The following CARS1 variants were observed in gnomAD, a reference collection of about 807,000 sequenced individuals.
CARS1 encodes cysteine--tRNA ligase, cytoplasmic.
A neutral mutation model predicts 106.2 loss-of-function variants in CARS1; 48 were observed. The observed-to-expected ratio is 0.45, with a 90% CI of 0.36 to 0.57. CARS1 has a LOEUF of 0.57. Ranked by LOEUF, CARS1 falls within the 20% of genes least tolerant of loss-of-function variation. The pLI is 0.00. For missense variants in CARS1, 968 were observed against 1,057.2 expected (o/e 0.92, Z 1.17); for synonymous variants, 409 against 403.4 (o/e 1.01, Z -0.17).
intron 7 of CARS1, among the ~76,000 whole-genome samples, chr11:3,035,090 G>A (rs1387587969): frequency 3.3e-5 from 5 of 152,114 alleles, no homozygotes; most frequent in African/African-American, 1.2e-4. Flanking sequence ...TGAGGGCAGA[G>A]CTCTCATGAC....
intron 7 of CARS1, among the ~76,000 whole-genome samples, chr11:3,032,263 G>A (rs1396376713): frequency 6.6e-6 from 1 of 152,012 alleles, no homozygotes; most frequent in African/African-American, 2.4e-5. Context: ...AGTAGAGACG[G>A]GGTTTCACCA....
intron 9 of CARS1, 36 bp from the exon 10 acceptor site, chr11:3,026,833 A>G (rs751394631): frequency 1.3e-6 from 2 of 1,593,068 alleles, no homozygotes; most frequent in East Asian, 4.5e-5. Flanking sequence ...GGGTGCATCT[A>G]ACAGACCCGA....
Position 3,057,371 on chromosome 11 carries a change from T to G in CARS1, c.-4A>C. On this transcript the variant is annotated 5_prime_UTR_variant, in exon 1 of 23. Coordinates refer to ENST00000380525, the MANE Select transcript of CARS1 (RefSeq NM_001014437.3). ...GCTGCCCGGAGGAATCTGCCATGGC[T>G]GGGAATCCCGGACCCGCAGCTGCGG... The G allele has an allele frequency of 6.2e-7, 1 of 1,610,372 alleles. No homozygotes were observed. The highest frequency in any genetic ancestry group is 1.1e-5 in the South Asian group (1 of 90,884).
chr11:3,025,211 G>C (rs1851932188), intron 10 of CARS1, among the ~76,000 whole-genome samples: 1 of 152,136 alleles, frequency 6.6e-6, no homozygotes, highest in African/African-American at 2.4e-5. Context: ...TCTTCAGTCT[G>C]TGTTGTCTGG....
At chr11:3,023,669 T>C (rs999458127) in intron 10 of CARS1, among the ~76,000 whole-genome samples, 20 of 149,746 alleles carry the variant, frequency 1.3e-4, no homozygotes, top group East Asian at 5.9e-4. Context: ...TGCTGAATTA[T>C]AGGCATGAGC....
At position 3,043,861 on chromosome 11, in the gene CARS1, C is replaced by G. The variant is rs540360479; in HGVS notation, c.275-1605G>C. On this transcript the variant is annotated intron_variant, in intron 2 of 22. Transcript: ENST00000380525. The surrounding 1 kb of genome is among the most constrained non-coding windows in gnomAD (Gnocchi z 4.0). ...GGCAGGTGGGAGATGGGGCAGGAGA[C>G]GGAGAGAGGGCCAGTGCTCAGCAGG... Among the ~76,000 whole-genome samples the G allele has an allele frequency of 6.6e-5, 10 of 152,010 alleles. No individual in the cohort carries two copies. Among genetic ancestry groups the G allele is most frequent in the African/African-American group, 2.2e-4 (9 of 41,380 alleles).
rs774293731 is a variant in CARS1 at position 3,043,256 on chromosome 11, C to T, written c.275-1000G>A. Among the ~76,000 whole-genome samples the T allele has an allele frequency of 3.3e-5, 5 of 152,094 alleles. No individual in the cohort carries two copies. Among genetic ancestry groups the T allele is most frequent in the Non-Finnish European group, 5.9e-5 (4 of 68,010 alleles). Reference sequence around the variant, plus strand: ...ATCTGAGATCCCTGAAGGGGCAGAGCTCTGTCCCTGGGGCCAGGGGCAGCC... The same window carrying T: ...ATCTGAGATCCCTGAAGGGGCAGAGTTCTGTCCCTGGGGCCAGGGGCAGCC... On this transcript the variant is annotated intron_variant, in intron 2 of 22. Coordinates refer to ENST00000380525, the MANE Select transcript of CARS1 (RefSeq NM_001014437.3). The surrounding 1 kb of genome is among the most constrained non-coding windows in gnomAD (Gnocchi z 4.0).
At position 3,002,563 on chromosome 11, in the gene CARS1, G is replaced by C; in HGVS notation, c.2255C>G (p.Ala752Gly). Residue 752 changes from alanine (A) to glycine (G), a missense_variant, in exon 21 of 23, where the codon GCC (alanine) becomes GGC (glycine). Coordinates refer to ENST00000380525, the MANE Select transcript of CARS1 (RefSeq NM_001014437.3). ...EEKRKKKEEA[A>G]RRKQEQEAAK... ...TACTTCTTGTTCCTGTTTCCTCCGG[G>C]CCGCCTCCTCTTTCTTCTTCCTCTT... 6.2e-7 allele frequency: 1 copy of C among 1,614,078 alleles called. No homozygotes were observed. The highest frequency in any genetic ancestry group is 8.5e-7 in the Non-Finnish European group (1 of 1,179,946).
chr11:3,012,298 T>C, intron 17 of CARS1, 22 bp from the exon 18 acceptor site: 2 of 1,606,376 alleles, frequency 1.2e-6, no homozygotes, highest in Non-Finnish European at 1.7e-6. Context: ...ACAGTTTTGG[T>C]TCACTGAGAG....
intron 16 of CARS1, among the ~76,000 whole-genome samples, chr11:3,016,805 G>T (rs1199743018): frequency 2.0e-5 from 3 of 152,094 alleles, no homozygotes; most frequent in African/African-American, 4.8e-5. Flanking sequence ...ATAGACCCGG[G>T]ATCTCACTAT....
In CARS1 at chr11:3,052,790, A is replaced by C. The variant is rs1306849444; in HGVS notation, c.25+4553T>G. Among the ~76,000 whole-genome samples the C allele has an allele frequency of 6.6e-6, 1 of 152,222 alleles. No homozygotes were observed. The highest frequency in any genetic ancestry group is 1.5e-5 in the Non-Finnish European group (1 of 68,036). ...CAGCTTTCAAGTGGTCATGGGTTTG[A>C]GCCAGGCTGTGGATCAGTCTGATGC... On this transcript the variant is annotated intron_variant, in intron 1 of 22. Coordinates refer to ENST00000380525, the MANE Select transcript of CARS1 (RefSeq NM_001014437.3). This position sits in a 1 kb window ranked among gnomAD's most constrained non-coding sequence, Gnocchi z 4.6.
rs140644107 is a variant in CARS1 at position 3,042,244 on chromosome 11, C to T, written c.287G>A (p.Arg96His). ...PCRLQASKGR[R>H]VQPQWSPPAG... ...AGGAGGGGACCACTGGGGCTGCACA[C>T]GCCGGCCTTTGCCTGGGAGGCAGAG... Residue 96 changes from arginine to histidine, a missense_variant, in exon 3 of 23, where the codon CGT becomes CAT. Physicochemically the swap from Arg to His is conservative, Grantham distance 29 (BLOSUM62 0). Coordinates refer to ENST00000380525, the MANE Select transcript of CARS1 (RefSeq NM_001014437.3). 1.6e-3 allele frequency: 2,629 copies of T among 1,612,344 alleles called. 76 individuals are homozygous for T. In the Admixed American group the frequency reaches 0.041, roughly 25 times the overall value.
intron 1 of CARS1, among the ~76,000 whole-genome samples, chr11:3,051,296 C>A (rs950690173): frequency 6.6e-6 from 1 of 152,238 alleles, no homozygotes. Context: ...CCACTGAAGG[C>A]GCCTGGGGGG....
chr11:3,051,906 C>G (rs1476524836), intron 1 of CARS1, among the ~76,000 whole-genome samples: 1 of 152,214 alleles, frequency 6.6e-6, no homozygotes, highest in African/African-American at 2.4e-5. Flanking sequence ...GACACAGCAT[C>G]GGCTTCCAGC....
At chr11:3,001,641 G>T (rs1024963190) in intron 22 of CARS1, among the ~76,000 whole-genome samples, 1 of 152,226 alleles carries the variant, frequency 6.6e-6, no homozygotes, top group South Asian at 2.1e-4. Context: ...GAAACTGGGG[G>T]TAGGAGGCCT....
At chr11:3,032,382 G>C (rs1235175547) in intron 7 of CARS1, among the ~76,000 whole-genome samples, 1 of 152,068 alleles carries the variant, frequency 6.6e-6, no homozygotes, top group Non-Finnish European at 1.5e-5. Context: ...ATAACTGGTA[G>C]GTCAGAAGTA....
chr11:3,022,613 C>T lies in CARS1; in HGVS notation c.1154-2281G>A, dbSNP rs1010108822. Among the ~76,000 whole-genome samples the T allele has an allele frequency of 1.3e-5, 2 of 152,228 alleles. No homozygotes were observed. Among genetic ancestry groups the T allele is most frequent in the Non-Finnish European group, 2.9e-5 (2 of 68,024 alleles). ...TCCTTCTTGGTTTCATTTCCTGTCT[C>T]TCTCCCCAGAGGCAGAGTGAGTGTT... On this transcript the variant is annotated intron_variant, in intron 10 of 22. Coordinates refer to ENST00000380525, the MANE Select transcript of CARS1 (RefSeq NM_001014437.3). The surrounding 1 kb of genome is among the most constrained non-coding windows in gnomAD (Gnocchi z 4.9).
intron 1 of CARS1, among the ~76,000 whole-genome samples, chr11:3,055,524 G>A (rs1349331685): frequency 1.3e-5 from 2 of 152,230 alleles, no homozygotes; most frequent in Non-Finnish European, 2.9e-5. Flanking sequence ...GGTGGGCCAT[G>A]CCCTGGGGCA....
rs539907996 is a variant in CARS1, at chr11:3,039,115, C to T, written c.651+79G>A. 1.0e-3 allele frequency: 898 copies of T among 894,530 alleles called. No individual in the cohort carries two copies. The highest frequency in any genetic ancestry group is 1.0e-3 in the Non-Finnish European group (568 of 543,624). The allele number at this position is 894,530 out of a possible 1,614,324, so 55.4% of individuals were successfully genotyped here. Reference sequence around the variant, plus strand: ...TGAAAGCCTGTGAGACTGACACTACCCTAGGGACAGTAGCCTACAAAGGAC... The same window carrying T: ...TGAAAGCCTGTGAGACTGACACTACTCTAGGGACAGTAGCCTACAAAGGAC... On this transcript the variant is annotated intron_variant, in intron 6 of 22. Coordinates refer to ENST00000380525, the MANE Select transcript of CARS1 (RefSeq NM_001014437.3). This position sits in a 1 kb window ranked among gnomAD's most constrained non-coding sequence, Gnocchi z 5.6.
Sources: allele counts gnomAD v4.1 joint callset (sites outside exome capture counted in the v4.1 genomes callset), GRCh38; gene constraint gnomAD v4.1.1; non-coding constraint Gnocchi (gnomAD v3.1); transcripts MANE v1.5; gene names NCBI Gene and HGNC (gene_info 2026-07-23, HGNC 2026-07-21).